Variants in SLC18A1 observed in about 807,000 individuals in gnomAD.
The protein encoded by SLC18A1 is solute carrier family 18 member A1, also known as chromaffin granule amine transporter.
SLC18A1 carries 69 observed loss-of-function variants against 53.7 expected under a neutral mutation model. The observed-to-expected ratio is 1.28, with a 90% CI of 1.06 to 1.57. The LOEUF (loss-of-function observed/expected upper bound fraction) is 1.57, where lower values mean the gene tolerates loss of function less well. Among genes scored for constraint, SLC18A1 ranks in the 40% most tolerant of loss-of-function variants. The probability of loss-of-function intolerance (pLI) is 0.00; values close to 1 mark genes in which losing one functional copy is unlikely to be tolerated. For missense variants in SLC18A1, 932 were observed against 668.1 expected, an observed-to-expected ratio of 1.40 and a Z score of -4.35; for synonymous variants, 320 against 248.1, an observed-to-expected ratio of 1.29 and a Z score of -2.72.
At position 20,164,886 on chromosome 8, in the gene SLC18A1, G is replaced by T. The variant is rs150790381; in HGVS notation, c.998C>A (p.Ser333Tyr). 51 of 1,610,642 alleles carry T rather than the reference G, an allele frequency of 3.2e-5. No individual in the cohort carries two copies. In the African/African-American group the frequency reaches 6.4e-4, roughly 20 times the overall value. The change falls in exon 10 of 16, where the codon TCC becomes TAC. Residue 333 changes from serine to tyrosine, a missense_variant. By Grantham distance (144) the Ser-to-Tyr change is moderately radical. Coordinates refer to ENST00000276373, the MANE Select transcript of SLC18A1 (RefSeq NM_003053.4). ...LPIWMMQTMC[S>Y]PKWQLGLAFL... The stretch of plus-strand genomic sequence containing the variant: ...TCACTTACCCAGCTGCCACTTGGGG[G>T]AGCACATGGTCTGCATCATCCAGAT...
intron 6 of SLC18A1, among the ~76,000 whole-genome samples, chr8:20,172,137 G>A (rs28609982): frequency 0.065 from 9,875 of 152,274 alleles, 849 homozygotes; most frequent in East Asian, 0.28. Flanking sequence ...GTACACAAGA[G>A]GGAGGATGCT....
At chr8:20,152,759 T>C (rs1000908366) in intron 10 of SLC18A1, among the ~76,000 whole-genome samples, 2 of 152,180 alleles carry the variant, frequency 1.3e-5, no homozygotes, top group African/African-American at 2.4e-5. Context: ...GGGGGACTCC[T>C]ATCTTTAGAC....
intron 11 of SLC18A1, 137 bp downstream of exon 11, chr8:20,150,529 C>A (rs2071523995): frequency 1.3e-6 from 1 of 768,468 alleles, no homozygotes; most frequent in East Asian, 2.5e-5. Context: ...CCCATCCTCC[C>A]AGTGGGAAGT....
chr8:20,154,430 T>A (rs1299589477), intron 10 of SLC18A1, among the ~76,000 whole-genome samples: 16 of 152,084 alleles, frequency 1.1e-4, no homozygotes, highest in Admixed American at 1.0e-3. Context: ...TCACTAGATG[T>A]TTGCAACAAA....
intron 10 of SLC18A1, among the ~76,000 whole-genome samples, chr8:20,152,488 G>C (rs939675195): frequency 3.3e-5 from 5 of 152,166 alleles, no homozygotes; most frequent in African/African-American, 1.2e-4. Context: ...TTTTCTGTTT[G>C]ATTGGGTAAA....
chr8:20,146,889 G>A (rs1216077125), intron 15 of SLC18A1, among the ~76,000 whole-genome samples: 1 of 151,612 alleles, frequency 6.6e-6, no homozygotes, highest in East Asian at 1.9e-4. Context: ...TGGATGAACG[G>A]ATGTGCCAAT....
At chr8:20,176,242 A>C (rs890861732) in intron 4 of SLC18A1, among the ~76,000 whole-genome samples, 9 of 152,124 alleles carry the variant, frequency 5.9e-5, no homozygotes, top group African/African-American at 1.7e-4. Flanking sequence ...GCTGGTTAAA[A>C]AAAGGCTGGC....
intron 8 of SLC18A1, among the ~76,000 whole-genome samples, chr8:20,167,714 G>A (rs1052678084): frequency 6.6e-6 from 1 of 151,916 alleles, no homozygotes; most frequent in Admixed American, 6.6e-5. Flanking sequence ...TCCTCCTCCT[G>A]GGTTCATGCC....
chr8:20,177,080 T>G (rs1009853202), intron 4 of SLC18A1, among the ~76,000 whole-genome samples: 1 of 152,232 alleles, frequency 6.6e-6, no homozygotes, highest in African/African-American at 2.4e-5. Flanking sequence ...TAAGCCTCAT[T>G]TGATGAAATA....
chr8:20,178,121 A>AACACACACACACACACAC (rs10560327), intron 4 of SLC18A1, among the ~76,000 whole-genome samples: 22 of 148,836 alleles, frequency 1.5e-4, no homozygotes, highest in East Asian at 2.0e-4. Flanking sequence ...TGATGCATAT[A>AACACACACACACACACAC]ACACACACAC....
At chr8:20,160,222 C>T (rs1348302713) in intron 10 of SLC18A1, among the ~76,000 whole-genome samples, 5 of 148,804 alleles carry the variant, frequency 3.4e-5, no homozygotes. Context: ...TATTTAATTG[C>T]TTAAAAAAAT....
At chr8:20,158,149 G>C (rs1024151869) in intron 10 of SLC18A1, among the ~76,000 whole-genome samples, 2 of 152,126 alleles carry the variant, frequency 1.3e-5, no homozygotes, top group African/African-American at 4.8e-5. Context: ...CTTGACCTTT[G>C]AGGGCCAGGA....
intron 11 of SLC18A1, 47 bp from the exon 12 acceptor site, chr8:20,149,774 C>CTAG: frequency 1.9e-6 from 3 of 1,578,352 alleles, no homozygotes; most frequent in Non-Finnish European, 1.7e-6. Context: ...GAGAGCTCCC[C>CTAG]TCCACCTGTA....
chr8:20,171,174 C>T (rs1261998973), intron 7 of SLC18A1, 28 bp from the exon 8 acceptor site: 1 of 1,613,696 alleles, frequency 6.2e-7, no homozygotes, highest in Non-Finnish European at 8.5e-7. Flanking sequence ...TGAGACAGTT[C>T]AGCGTGTCTA....
chr8:20,147,644 T>C lies in SLC18A1; in HGVS notation c.1289A>G (p.Tyr430Cys), dbSNP rs2071435107. The change falls in exon 14 of 16, where the codon TAC becomes TGC. Residue 430 changes from tyrosine (Y) to cysteine (C), a missense_variant. Physicochemically the swap from Tyr to Cys is radical, Grantham distance 194. Transcript: ENST00000276373. ...LRHTSVYGSV[Y>C]AIADVAFCMG... is the part of the protein sequence containing the mutation. Reference sequence around the variant, plus strand: ...GCAAAAAGCCACATCAGCGATGGCGTAGACACTCCCATACACCGAGGTGTG... The same window carrying C: ...GCAAAAAGCCACATCAGCGATGGCGCAGACACTCCCATACACCGAGGTGTG... 1 of 1,613,954 alleles carries C rather than the reference T, an allele frequency of 6.2e-7. No homozygotes were observed. The highest frequency in any genetic ancestry group is 1.7e-5 in the Admixed American group (1 of 59,996).
rs2071434475 is a variant in SLC18A1 at position 20,147,631 on chromosome 8, A to G, written c.1302T>C (p.Asp434=). Residue 434 remains aspartate (D), a synonymous_variant, in exon 14 of 16, where the codon GAT becomes GAC. Coordinates refer to ENST00000276373, the MANE Select transcript of SLC18A1 (RefSeq NM_003053.4). The part of the protein sequence containing the change: ...SVYGSVYAIA[D]VAFCMGFAIG... Reference sequence around the variant, plus strand: ...TAGCAAAGCCCATGCAAAAAGCCACATCAGCGATGGCGTAGACACTCCCAT... The same window carrying G: ...TAGCAAAGCCCATGCAAAAAGCCACGTCAGCGATGGCGTAGACACTCCCAT... 6.2e-7 allele frequency: 1 copy of G among 1,614,102 alleles called. No homozygotes were observed. The highest frequency in any genetic ancestry group is 8.5e-7 in the Non-Finnish European group (1 of 1,180,000).
chr8:20,158,990 G>T (rs2071748879), intron 10 of SLC18A1, among the ~76,000 whole-genome samples: 1 of 152,076 alleles, frequency 6.6e-6, no homozygotes, highest in Non-Finnish European at 1.5e-5. Context: ...ACCTCCCGCT[G>T]CACTTTAGGC....
intron 6 of SLC18A1, 72 bp downstream of exon 6, chr8:20,172,953 ATACTCGTCTTC>A: frequency 1.0e-6 from 1 of 967,110 alleles, no homozygotes; most frequent in African/African-American, 1.6e-5. Flanking sequence ...GGGAAGGAAA[ATACTCGTCTTC>A]TACACCTCGG....
rs1585229023 is a variant in SLC18A1 at position 20,179,257 on chromosome 8, T to C, written c.352A>G (p.Ile118Val). ...AAGCAGTTGTTTTTATGAGCTGAGA[T>C]GGCTTCAGTGGCTGGAGGTGGGATG... Reference protein sequence around the residue: ...STIPPPATEAISAHKNNCLQG... With the variant: ...STIPPPATEAVSAHKNNCLQG... The change falls in exon 3 of 16, where the codon ATC becomes GTC. Residue 118 changes from isoleucine to valine, a missense_variant. Transcript: ENST00000276373. 1 of 1,614,182 alleles carries C rather than the reference T, an allele frequency of 6.2e-7. No homozygotes were observed. Among genetic ancestry groups the C allele is most frequent in the Non-Finnish European group, 8.5e-7 (1 of 1,180,038 alleles).
Sources: allele counts gnomAD v4.1 joint callset (sites outside exome capture counted in the v4.1 genomes callset), GRCh38; gene constraint gnomAD v4.1.1; transcripts MANE v1.5; gene names NCBI Gene and HGNC (gene_info 2026-07-23, HGNC 2026-07-21).